RBM19: variants seen among roughly 807,000 people sequenced by gnomAD.
The protein encoded by RBM19 is RNA binding motif protein 19.
Under a neutral mutation model 116.8 loss-of-function variants are expected in RBM19, and 94 were observed. The ratio of observed to expected loss-of-function variants is 0.80; its 90% confidence interval spans 0.68 to 0.95. The LOEUF (loss-of-function observed/expected upper bound fraction) is 0.95, where lower values mean the gene tolerates loss of function less well. Among genes scored for constraint, RBM19 ranks in the 40% least tolerant of loss-of-function variants. The pLI is 0.00. For missense variants in RBM19, 1,161 were observed against 1,220.7 expected (o/e 0.95, Z 0.73); for synonymous variants, 475 against 494.1 (o/e 0.96, Z 0.51).
intron 21 of RBM19, among the ~76,000 whole-genome samples, chr12:113,879,128 G>A (rs1349230963): frequency 6.6e-6 from 1 of 152,152 alleles, no homozygotes; most frequent in Non-Finnish European, 1.5e-5. Flanking sequence ...TGCCCTGGGA[G>A]CTTGCTCAAT....
intron 10 of RBM19, among the ~76,000 whole-genome samples, chr12:113,948,364 C>T (rs562243199): frequency 1.2e-3 from 176 of 152,290 alleles, no homozygotes; most frequent in African/African-American, 4.1e-3. Flanking sequence ...ACAACACTAA[C>T]CTTGACACTA....
intron 9 of RBM19, among the ~76,000 whole-genome samples, chr12:113,949,307 T>C (rs952103068): frequency 6.6e-6 from 1 of 152,184 alleles, no homozygotes; most frequent in Non-Finnish European, 1.5e-5. Flanking sequence ...ATGCATTCTC[T>C]AAACTCCGGG....
chr12:113,945,924 G>A lies in RBM19; in HGVS notation c.1530C>T (p.Ser510=). 2 of 1,564,020 alleles carry A rather than the reference G, an allele frequency of 1.3e-6. No individual in the cohort carries two copies. The highest frequency in any genetic ancestry group is 1.8e-6 in the Non-Finnish European group (2 of 1,134,470). ...KEAQDKANSA[S]SHNWNTLFMG... ...TGAATAGTGTGTTCCAGTTGTGAGAGCTAAGAGGCAGAGGCAGAACAGGGA... is the reference window on the plus strand; with the variant it reads ...TGAATAGTGTGTTCCAGTTGTGAGAACTAAGAGGCAGAGGCAGAACAGGGA... The change falls in exon 13 of 24, where the codon AGC becomes AGT. Residue 510 remains serine (S), a splice_region_variant and synonymous_variant. Transcript: ENST00000261741.
intron 21 of RBM19, among the ~76,000 whole-genome samples, chr12:113,889,444 C>A (rs1241181981): frequency 6.6e-6 from 1 of 152,156 alleles, no homozygotes; most frequent in Non-Finnish European, 1.5e-5. Context: ...CAGCTGAAGC[C>A]TGAGTCAATC....
At chr12:113,952,813 T>C (rs1380003) in intron 7 of RBM19, among the ~76,000 whole-genome samples, 24,980 of 152,204 alleles carry the variant, frequency 0.16, 2,796 homozygotes, top group African/African-American at 0.32. Flanking sequence ...GCAGTGTCAC[T>C]ATCAGCGTTA....
intron 9 of RBM19, among the ~76,000 whole-genome samples, chr12:113,949,617 T>A (rs979500044): frequency 2.0e-5 from 3 of 152,124 alleles, no homozygotes; most frequent in African/African-American, 7.2e-5. Flanking sequence ...AAAGAATACA[T>A]CCCTGGGTAT....
chr12:113,957,902 A>T lies in RBM19; in HGVS notation c.720T>A (p.Ser240Arg). The change falls in exon 6 of 24, where the codon AGT becomes AGA. Residue 240 changes from serine to arginine, a missense_variant. Physicochemically the swap from Ser to Arg is moderately radical, Grantham distance 110 (BLOSUM62 -1). Transcript: ENST00000261741. ...CGGAGGAATCCTCTTCCTCGGCCTC[A>T]CTCCCTTCATCACAGTGCACGGCTT... ...EDEAVHCDEG[S>R]EAEEEDSSAT... The T allele has an allele frequency of 1.2e-6, 2 of 1,613,628 alleles. No homozygotes were observed. The highest frequency in any genetic ancestry group is 1.7e-6 in the Non-Finnish European group (2 of 1,179,896).
chr12:113,864,503 T>C (rs549100270), intron 21 of RBM19, among the ~76,000 whole-genome samples: 3 of 152,304 alleles, frequency 2.0e-5, no homozygotes, highest in Admixed American at 6.5e-5. Flanking sequence ...TATGGACCCA[T>C]GGAACCATTC....
At chr12:113,956,173 G>A (rs538802173) in intron 6 of RBM19, among the ~76,000 whole-genome samples, 25 of 152,222 alleles carry the variant, frequency 1.6e-4, no homozygotes, top group Middle Eastern at 3.4e-3. Context: ...TTTTGGGGGG[G>A]AAGAAAAGGA....
At chr12:113,920,437 G>A (rs1376106517) in intron 19 of RBM19, among the ~76,000 whole-genome samples, 174 bp downstream of exon 19, 1 of 152,210 alleles carries the variant, frequency 6.6e-6, no homozygotes, top group East Asian at 1.9e-4. Flanking sequence ...TGGAGTGTTG[G>A]GAAAGGTTCT....
intron 23 of RBM19, among the ~76,000 whole-genome samples, chr12:113,837,742 G>C (rs1249133407): frequency 6.6e-6 from 1 of 152,238 alleles, no homozygotes; most frequent in Non-Finnish European, 1.5e-5. Context: ...TCAGTAGCTG[G>C]GTGCCCTTGG....
chr12:113,895,975 C>T (rs1033440662), intron 21 of RBM19, among the ~76,000 whole-genome samples: 11 of 151,858 alleles, frequency 7.2e-5, no homozygotes, highest in Non-Finnish European at 1.2e-4. Flanking sequence ...TCTCTCTATA[C>T]ACATATCTAT....
At chr12:113,912,218 T>A (rs1882473646) in intron 21 of RBM19, among the ~76,000 whole-genome samples, 1 of 152,192 alleles carries the variant, frequency 6.6e-6, no homozygotes, top group South Asian at 2.1e-4. Flanking sequence ...CTTGAGGCCC[T>A]GCCCAGAGAA....
rs11066833 is a variant in RBM19 at position 113,938,607 on chromosome 12, G to A, written c.1938+1353C>T. On this transcript the variant is annotated intron_variant, in intron 15 of 23. Transcript: ENST00000261741. ...TGAACCCCTAGAAACCTGTGAACGC[G>A]CCCTTATTTGGAAAAAGGATCTTTG... 3.4e-3 allele frequency among the ~76,000 whole-genome samples: 521 copies of A among 152,276 alleles called. 3 individuals carry two copies. Among genetic ancestry groups the A allele is most frequent in the Middle Eastern group, 6.8e-3 (2 of 294 alleles).
chr12:113,822,506 T>C lies in RBM19; in HGVS notation c.*718A>G, dbSNP rs1055238043. 2 of 152,208 alleles carry C rather than the reference T, an allele frequency of 1.3e-5. No homozygotes were observed. Among genetic ancestry groups the C allele is most frequent in the African/African-American group, 4.8e-5 (2 of 41,440 alleles). 9.4% of individuals were successfully genotyped at this position (152,208 alleles called of 1,614,324 possible). A position where few individuals can be genotyped will look rare whatever the true frequency, so the allele number is the denominator to read the frequency against. On this transcript the variant is annotated 3_prime_UTR_variant, in exon 24 of 24. Coordinates refer to ENST00000261741, the MANE Select transcript of RBM19 (RefSeq NM_016196.4). ...TCTGGGCTTGGAGCTCGATGCTTCA[T>C]GAGCCGCTGGGAGGCTTCCCTGGGT...
rs1403382793 is a variant in RBM19, at chr12:113,825,890, C to T, written c.2786-2569G>A. Among the ~76,000 whole-genome samples, 2 of 152,228 alleles carry T rather than the reference C, an allele frequency of 1.3e-5. No homozygotes were observed. Among genetic ancestry groups the T allele is most frequent in the East Asian group, 1.9e-4 (1 of 5,198 alleles). On this transcript the variant is annotated intron_variant, in intron 23 of 23. Transcript: ENST00000261741. The surrounding 1 kb of genome is among the most constrained non-coding windows in gnomAD (Gnocchi z 5.7). ...AGGGAGCTTGTTAAATCCTCCATCA[C>T]GGCATGCTGTTCCTTTGCTCAAGCC...
chr12:113,831,629 T>G (rs1377278040), intron 23 of RBM19, among the ~76,000 whole-genome samples: 2 of 152,228 alleles, frequency 1.3e-5, no homozygotes, highest in Non-Finnish European at 2.9e-5. Context: ...TAGCAGGGAT[T>G]CCTGGCCTTG....
intron 1 of RBM19, among the ~76,000 whole-genome samples, chr12:113,964,294 C>T (rs183861063): frequency 7.2e-5 from 11 of 152,282 alleles, no homozygotes; most frequent in Admixed American, 3.3e-4. Flanking sequence ...TTAAAATGGG[C>T]GTAAAAATAA....
chr12:113,907,054 C>T (rs750528041), intron 21 of RBM19, among the ~76,000 whole-genome samples: 42 of 152,202 alleles, frequency 2.8e-4, no homozygotes, highest in Middle Eastern at 6.8e-3. Context: ...CTGCAGCCTT[C>T]GGAGGCAGCA....
Sources: allele counts gnomAD v4.1 joint callset (sites outside exome capture counted in the v4.1 genomes callset), GRCh38; gene constraint gnomAD v4.1.1; non-coding constraint Gnocchi (gnomAD v3.1); transcripts MANE v1.5; gene names NCBI Gene and HGNC (gene_info 2026-07-23, HGNC 2026-07-21).